GRM5: variants seen among roughly 807,000 people sequenced by gnomAD.
GRM5 encodes the protein metabotropic glutamate receptor 5.
Under a neutral mutation model 83.1 loss-of-function variants are expected in GRM5, and 19 were observed. The observed-to-expected ratio is 0.23, with a 90% CI of 0.16 to 0.34. The LOEUF (loss-of-function observed/expected upper bound fraction) is 0.34, where lower values mean the gene tolerates loss of function less well. GRM5 is among the 10% of genes least tolerant of loss of function. The probability of loss-of-function intolerance (pLI) is 1.00; values close to 1 mark genes in which losing one functional copy is unlikely to be tolerated. For synonymous variants in GRM5, 675 were observed against 633.6 expected (o/e 1.07, Z -0.98); for missense variants, 1,160 against 1,588.3 (o/e 0.73, Z 4.58).
At chr11:88,793,573 G>C (rs10765773) in intron 3 of GRM5, among the ~76,000 whole-genome samples, 79,866 of 152,020 alleles carry the variant, frequency 0.53, 23,786 homozygotes, top group Non-Finnish European at 0.7. Flanking sequence ...ATTTTAATTA[G>C]ATCTAAGAAT....
intron 2 of GRM5, among the ~76,000 whole-genome samples, chr11:89,015,455 CTG>C (rs1940827133): frequency 6.6e-6 from 1 of 152,216 alleles, no homozygotes; most frequent in African/African-American, 2.4e-5. Flanking sequence ...CAATGGGTGT[CTG>C]TTGGCAGTGT....
intron 3 of GRM5, among the ~76,000 whole-genome samples, chr11:88,682,837 T>C (rs1208321979): frequency 1.3e-5 from 2 of 152,074 alleles, no homozygotes; most frequent in Non-Finnish European, 2.9e-5. Context: ...CTTCTTCCCT[T>C]TCTCTTCACC....
At chr11:88,992,986 G>A (rs927384149) in intron 2 of GRM5, among the ~76,000 whole-genome samples, 1 of 151,276 alleles carries the variant, frequency 6.6e-6, no homozygotes, top group African/African-American at 2.4e-5. Context: ...TGCACGTTGT[G>A]CACATGTACC....
chr11:88,682,509 T>G (rs1421599571), intron 3 of GRM5, among the ~76,000 whole-genome samples: 1 of 152,334 alleles, frequency 6.6e-6, no homozygotes, highest in South Asian at 2.1e-4. Context: ...ACCTATCTAC[T>G]TAGCTATATG....
intron 4 of GRM5, among the ~76,000 whole-genome samples, chr11:88,625,871 T>C (rs1024573010): frequency 6.6e-5 from 10 of 152,172 alleles, no homozygotes; most frequent in African/African-American, 9.7e-5. Context: ...AAGAGATAAT[T>C]TGTAGCTTTG....
At chr11:88,868,274 T>A (rs760402503) in intron 2 of GRM5, among the ~76,000 whole-genome samples, 5 of 151,856 alleles carry the variant, frequency 3.3e-5, no homozygotes, top group African/African-American at 4.8e-5. Context: ...TAGATGAAAT[T>A]TGAACTTCAC....
intron 2 of GRM5, among the ~76,000 whole-genome samples, chr11:89,003,296 G>A (rs114970081): frequency 0.033 from 4,947 of 152,158 alleles, 267 homozygotes; most frequent in African/African-American, 0.11. Context: ...ATGGGATATA[G>A]TGCCGGGCTT....
intron 3 of GRM5, among the ~76,000 whole-genome samples, chr11:88,841,717 G>A (rs10831518): frequency 0.44 from 66,349 of 151,934 alleles, 14,767 homozygotes; most frequent in African/African-American, 0.5. Flanking sequence ...TTTTTCTTGT[G>A]ATATCATGAC....
intron 3 of GRM5, among the ~76,000 whole-genome samples, chr11:88,802,064 A>C (rs1301532614): frequency 6.6e-6 from 1 of 152,154 alleles, no homozygotes; most frequent in East Asian, 1.9e-4. Flanking sequence ...TTTAAGTTTC[A>C]GGAAGCGAGG....
chr11:88,825,366 C>T (rs1175283994), intron 3 of GRM5, among the ~76,000 whole-genome samples: 1 of 152,050 alleles, frequency 6.6e-6, no homozygotes, highest in Admixed American at 6.6e-5. Context: ...TTATCAGTTG[C>T]CTTCAGTTTT....
intron 8 of GRM5, among the ~76,000 whole-genome samples, chr11:88,535,213 C>T (rs183142409): frequency 7.2e-5 from 11 of 152,246 alleles, no homozygotes; most frequent in East Asian, 3.9e-4. Flanking sequence ...CTTACCTTCA[C>T]GATGTAGACA....
intron 4 of GRM5, among the ~76,000 whole-genome samples, chr11:88,618,787 G>T (rs1250419985): frequency 6.6e-6 from 1 of 152,136 alleles, no homozygotes. Context: ...TAGTTGGCAT[G>T]ATAGTGCACC....
At chr11:88,512,189 C>T (rs1217921366) in intron 9 of GRM5, 1 of 154,344 alleles carries the variant, frequency 6.5e-6, no homozygotes, top group African/African-American at 2.4e-5. Context: ...AGGAAACCAT[C>T]CTAATCAACC....
At position 88,516,631 on chromosome 11, in the gene GRM5, T is replaced by C. The variant is rs150276617; in HGVS notation, c.2727-7127A>G. On this transcript the variant is annotated intron_variant, in intron 9 of 9. Transcript: ENST00000305447. ...TGATGTACGAAGGGGATGTTAGTTA[T>C]GAGGCTTGAATCCTGGGTGCAGATT... Among the ~76,000 whole-genome samples, 894 of 152,292 alleles carry C rather than the reference T, an allele frequency of 5.9e-3. 2 individuals are homozygous for C. The highest frequency in any genetic ancestry group is 0.017 in the Middle Eastern group (5 of 294).
chr11:89,032,645 T>A (rs1333798150), intron 2 of GRM5, among the ~76,000 whole-genome samples: 1 of 152,112 alleles, frequency 6.6e-6, no homozygotes, highest in African/African-American at 2.4e-5. Flanking sequence ...AACTGTCCTA[T>A]GAGCCAACAA....
At chr11:88,516,749 G>C (rs1454257484) in intron 9 of GRM5, among the ~76,000 whole-genome samples, 2 of 151,788 alleles carry the variant, frequency 1.3e-5, no homozygotes, top group Non-Finnish European at 2.9e-5. Context: ...GGATAAAATG[G>C]GCATATGCCT....
chr11:88,674,085 A>G (rs1191096866), intron 3 of GRM5, among the ~76,000 whole-genome samples: 1 of 151,856 alleles, frequency 6.6e-6, no homozygotes, highest in Admixed American at 6.6e-5. Context: ...TCAGTGTCAG[A>G]GTAAAGTGAA....
intron 5 of GRM5, among the ~76,000 whole-genome samples, chr11:88,601,249 G>A (rs1488890532): frequency 6.6e-6 from 1 of 152,146 alleles, no homozygotes; most frequent in Non-Finnish European, 1.5e-5. Context: ...TATGAGCAGA[G>A]ACATATATCA....
chr11:88,681,581 T>TTTTTA (rs1299622067), intron 3 of GRM5, among the ~76,000 whole-genome samples: 1 of 106,096 alleles, frequency 9.4e-6, no homozygotes, highest in East Asian at 2.9e-4. Context: ...TTTTTTTTTT[T>TTTTTA]TTTTTTTTGA....
Sources: allele counts gnomAD v4.1 joint callset (sites outside exome capture counted in the v4.1 genomes callset), GRCh38; gene constraint gnomAD v4.1.1; transcripts MANE v1.5; gene names NCBI Gene and HGNC (gene_info 2026-07-23, HGNC 2026-07-21).